The following PLEKHM1 variants were observed in gnomAD, a reference collection of about 807,000 sequenced individuals.
PLEKHM1 encodes pleckstrin homology and RUN domain containing M1, also known as pleckstrin homology domain-containing family M member 1.
In PLEKHM1, 28 loss-of-function variants were observed where a neutral mutation model predicts 94.3. The ratio of observed to expected loss-of-function variants is 0.30; its 90% CI spans 0.22 to 0.41. PLEKHM1 has a LOEUF of 0.41. Ranked by LOEUF, PLEKHM1 falls within the 10% of genes least tolerant of loss-of-function variation. PLEKHM1 has a pLI of 1.00. For synonymous variants in PLEKHM1, 424 were observed against 581.2 expected (o/e 0.73, Z 3.89); for missense variants, 907 against 1,358.6 (o/e 0.67, Z 5.22).
At position 45,444,859 on chromosome 17, in the gene PLEKHM1, C is replaced by T. The variant is rs2050553973; in HGVS notation, c.2837+611G>A. ...CCTCTGTGGTTCCAGGACGTCCTGC[C>T]TCTCACCCTCACCCCCAGATGGAGT... is the stretch of plus-strand genomic sequence containing the variant. On this transcript the variant is annotated intron_variant, in intron 9 of 11. Transcript: ENST00000430334. This position sits in a 1 kb window ranked among gnomAD's most constrained non-coding sequence, Gnocchi z 5.0. Among the ~76,000 whole-genome samples, 1 of 152,106 alleles carries T rather than the reference C, an allele frequency of 6.6e-6. No individual in the cohort carries two copies. The highest frequency in any genetic ancestry group is 2.4e-5 in the African/African-American group (1 of 41,398).
intron 6 of PLEKHM1, among the ~76,000 whole-genome samples, chr17:45,456,653 C>A (rs1431630445): frequency 6.6e-6 from 1 of 152,242 alleles, no homozygotes; most frequent in Non-Finnish European, 1.5e-5. Flanking sequence ...CCGGGCTCTA[C>A]CCACACAACC....
At position 45,478,081 on chromosome 17, in the gene PLEKHM1, C is replaced by T. The variant is rs1382553048; in HGVS notation, c.115G>A (p.Val39Met). The T allele has an allele frequency of 6.2e-7, 1 of 1,614,144 alleles. No homozygotes were observed. Among genetic ancestry groups the T allele is most frequent in the East Asian group, 2.2e-5 (1 of 44,876 alleles). ...GCATCTCCGTCTTCACTAGTGACCA[C>T]CGTGTCCAGGGACACGTACTGCTTC... The part of the protein sequence containing the change: ...LQKQYVSLDT[V>M]VTSEDGDANT... The change falls in exon 3 of 12, where the codon GTG (valine) becomes ATG (methionine). Residue 39 changes from valine (V) to methionine (M), a missense_variant. By Grantham distance (21) the Val-to-Met change is conservative. Transcript: ENST00000430334.
At chr17:45,478,241 C>A (rs1050829769) in intron 2 of PLEKHM1, 94 bp from the exon 3 acceptor site, 3 of 1,419,588 alleles carry the variant, frequency 2.1e-6, no homozygotes, top group African/African-American at 2.8e-5. Context: ...AATACGTGTG[C>A]AACCACATGC....
rs1285980269 is a variant in PLEKHM1, at chr17:45,443,611, C to T, written c.2837+1859G>A. 2.0e-5 allele frequency among the ~76,000 whole-genome samples: 3 copies of T among 152,162 alleles called. No individual in the cohort carries two copies. The East Asian group carries it at 5.8e-4, about 29-fold the overall frequency. ...TGTAAAGCCGATGAACAGACTCTCT[C>T]AGCAGGGTGGGGATGGGTGAATGGG... On this transcript the variant is annotated intron_variant, in intron 9 of 11. Coordinates refer to ENST00000430334, the MANE Select transcript of PLEKHM1 (RefSeq NM_014798.3).
chr17:45,467,278 T>C (rs2145278270), intron 5 of PLEKHM1, among the ~76,000 whole-genome samples: 1 of 152,358 alleles, frequency 6.6e-6, no homozygotes, highest in Non-Finnish European at 1.5e-5. Flanking sequence ...TTGTAATCCA[T>C]AAAAATGAGA....
rs149384678 is a variant in PLEKHM1 at position 45,481,034 on chromosome 17, C to A, written c.48+1403G>T. Among the ~76,000 whole-genome samples the A allele has an allele frequency of 5.6e-3, 846 of 152,300 alleles. 8 individuals are homozygous for A. The highest frequency in any genetic ancestry group is 0.018 in the African/African-American group (760 of 41,552). Reference sequence around the variant, plus strand: ...CTGCACTATTTTACATTCCCACCAGCAATATATGAGTTCCAATCTCTCCAC... The same window carrying A: ...CTGCACTATTTTACATTCCCACCAGAAATATATGAGTTCCAATCTCTCCAC... On this transcript the variant is annotated intron_variant, in intron 2 of 11. Coordinates refer to ENST00000430334, the MANE Select transcript of PLEKHM1 (RefSeq NM_014798.3).
rs2050751531 is a variant in PLEKHM1 at position 45,450,700 on chromosome 17, T to C, written c.2561A>G (p.Tyr854Cys). Reference sequence around the variant, plus strand: ...GTCTTGGTGGCAGATGTCACAGTAATAGAGGCCAGAGAAGGCACAGAGCTT... The same window carrying C: ...GTCTTGGTGGCAGATGTCACAGTAACAGAGGCCAGAGAAGGCACAGAGCTT... ...RPKLCAFSGLYYCDICHQDDA... is the reference protein window; with the variant it reads ...RPKLCAFSGLCYCDICHQDDA... The change falls in exon 8 of 12, where the codon TAT (tyrosine) becomes TGT (cysteine). Residue 854 changes from tyrosine to cysteine, a missense_variant. Physicochemically the swap from Tyr to Cys is radical, Grantham distance 194 (BLOSUM62 -2). Coordinates refer to ENST00000430334, the MANE Select transcript of PLEKHM1 (RefSeq NM_014798.3). The C allele has an allele frequency of 6.2e-7, 1 of 1,603,152 alleles. No homozygotes were observed. Among genetic ancestry groups the C allele is most frequent in the East Asian group, 2.2e-5 (1 of 44,680 alleles).
chr17:45,452,941 C>T (rs2050814854), intron 7 of PLEKHM1: 4 of 337,478 alleles, frequency 1.2e-5, no homozygotes, highest in Non-Finnish European at 1.7e-5. Flanking sequence ...CACTGAATAG[C>T]ACGAGCCCAT....
intron 1 of PLEKHM1, among the ~76,000 whole-genome samples, chr17:45,485,526 T>C (rs1439420717): frequency 1.3e-5 from 2 of 152,130 alleles, no homozygotes; most frequent in Non-Finnish European, 2.9e-5. Flanking sequence ...CTGAGAGTGA[T>C]AGAGTATTCA....
At position 45,444,255 on chromosome 17, in the gene PLEKHM1, A is replaced by C. The variant is rs565532868; in HGVS notation, c.2837+1215T>G. ...CCCAGCAGAGGTTGATTTGAAGCCC[A>C]TTCTGGGCAGTAGGCACCGGCAGGC... On this transcript the variant is annotated intron_variant, in intron 9 of 11. Coordinates refer to ENST00000430334, the MANE Select transcript of PLEKHM1 (RefSeq NM_014798.3). This position sits in a 1 kb window ranked among gnomAD's most constrained non-coding sequence, Gnocchi z 5.0. 6.6e-6 allele frequency among the ~76,000 whole-genome samples: 1 copy of C among 152,334 alleles called. No homozygotes were observed. Among genetic ancestry groups the C allele is most frequent in the South Asian group, 2.1e-4 (1 of 4,830 alleles).
Position 45,475,083 on chromosome 17 carries a change from G to C in PLEKHM1, c.923+17C>G. 6.2e-7 allele frequency: 1 copy of C among 1,613,762 alleles called. No homozygotes were observed. The highest frequency in any genetic ancestry group is 8.5e-7 in the Non-Finnish European group (1 of 1,179,660). ...GGGAAGAGAGAAGATGGGAAGGAGTGGGGGCAGCGTACTCACTCTTGCAGA... is the reference window on the plus strand; with the variant it reads ...GGGAAGAGAGAAGATGGGAAGGAGTCGGGGCAGCGTACTCACTCTTGCAGA... On this transcript the variant is annotated intron_variant, in intron 4 of 11. Coordinates refer to ENST00000430334, the MANE Select transcript of PLEKHM1 (RefSeq NM_014798.3).
chr17:45,463,545 A>G (rs2051220616), intron 5 of PLEKHM1, among the ~76,000 whole-genome samples: 1 of 152,250 alleles, frequency 6.6e-6, no homozygotes, highest in Non-Finnish European at 1.5e-5. Context: ...GGCTCACGCC[A>G]TCATGCCCGG....
intron 8 of PLEKHM1, among the ~76,000 whole-genome samples, chr17:45,448,404 C>A (rs1431429190): frequency 6.6e-6 from 1 of 152,244 alleles, no homozygotes; most frequent in Non-Finnish European, 1.5e-5. Context: ...AATCACCCTG[C>A]ACTATGATGA....
chr17:45,442,832 T>C (rs1392787081), intron 9 of PLEKHM1, among the ~76,000 whole-genome samples: 1 of 152,140 alleles, frequency 6.6e-6, no homozygotes, highest in African/African-American at 2.4e-5. Context: ...TTCTGGGCCC[T>C]GCACCTGAAG....
intron 5 of PLEKHM1, chr17:45,460,152 C>T (rs2051108692): frequency 6.6e-6 from 1 of 152,160 alleles, no homozygotes; most frequent in Admixed American, 6.6e-5. Flanking sequence ...TGTCTACAAG[C>T]CAAGGAATGC....
chr17:45,454,213 T>G lies in PLEKHM1; in HGVS notation c.1639A>C (p.Met547Leu), dbSNP rs372371685. 22 of 1,609,746 alleles carry G rather than the reference T, an allele frequency of 1.4e-5. No individual in the cohort carries two copies. Among genetic ancestry groups the G allele is most frequent in the Non-Finnish European group, 1.8e-5 (21 of 1,177,996 alleles). The change falls in exon 7 of 12, where the codon ATG becomes CTG. Residue 547 changes from methionine (M) to leucine (L), a missense_variant. Coordinates refer to ENST00000430334, the MANE Select transcript of PLEKHM1 (RefSeq NM_014798.3). The part of the protein sequence containing the change: ...KLGTVERRGA[M>L]GIWKELFCEL... Reference sequence around the variant, plus strand: ...CAGAAGAGCTCCTTCCAGATGCCCATTGCCCCCCGCCGCTCCACGGTGCCC... The same window carrying G: ...CAGAAGAGCTCCTTCCAGATGCCCAGTGCCCCCCGCCGCTCCACGGTGCCC...
At chr17:45,443,011 T>C (rs2050494693) in intron 9 of PLEKHM1, among the ~76,000 whole-genome samples, 1 of 152,180 alleles carries the variant, frequency 6.6e-6, no homozygotes, top group African/African-American at 2.4e-5. Flanking sequence ...TGTGGCAACA[T>C]GTGTGTGTGG....
intron 8 of PLEKHM1, among the ~76,000 whole-genome samples, chr17:45,447,499 G>C (rs2050642765): frequency 6.6e-6 from 1 of 152,252 alleles, no homozygotes; most frequent in Non-Finnish European, 1.5e-5. Context: ...AGATGGGCAG[G>C]GGCTTTGTGC....
At chr17:45,439,432 G>A (rs762739715) in intron 11 of PLEKHM1, 45 bp downstream of exon 11, 1 of 1,609,938 alleles carries the variant, frequency 6.2e-7, no homozygotes, top group Admixed American at 1.7e-5. Flanking sequence ...TGTGGGTGTG[G>A]GGAAGGGTGG....
Sources: gnomAD v4.1 joint callset for allele counts (sites outside exome capture counted in the v4.1 genomes callset) on GRCh38, gnomAD v4.1.1 for gene constraint, Gnocchi (gnomAD v3.1) non-coding constraint, MANE v1.5 for transcripts, NCBI Gene and HGNC (gene_info 2026-07-23, HGNC 2026-07-21) for gene names.